Variants in TTC28 observed in about 807,000 individuals in gnomAD.
TTC28 encodes the protein tetratricopeptide repeat protein 28.
Under a neutral mutation model 198.0 loss-of-function variants are expected in TTC28, and 61 were observed. The ratio of observed to expected loss-of-function variants is 0.31; its 90% CI spans 0.25 to 0.38. TTC28 has a LOEUF of 0.38. Ranked by LOEUF, TTC28 falls within the 10% of genes least tolerant of loss-of-function variation. The pLI is 1.00. For missense variants in TTC28, 2,678 were observed against 3,164.0 expected (o/e 0.85, Z 3.69); for synonymous variants, 1,171 against 1,297.8 (o/e 0.90, Z 2.10).
chr22:28,090,933 G>A (rs1227669324), intron 12 of TTC28, among the ~76,000 whole-genome samples: 1 of 152,068 alleles, frequency 6.6e-6, no homozygotes, highest in African/African-American at 2.4e-5. Flanking sequence ...CAAAGCAACA[G>A]GAAAAACCTT....
At chr22:28,610,394 C>T (rs1185854752) in intron 2 of TTC28, among the ~76,000 whole-genome samples, 2 of 152,300 alleles carry the variant, frequency 1.3e-5, no homozygotes, top group East Asian at 3.9e-4. Flanking sequence ...GAGGAAGGAA[C>T]AGGCAGCAAT....
chr22:28,546,864 C>T (rs1466615429), intron 2 of TTC28, among the ~76,000 whole-genome samples: 1 of 151,940 alleles, frequency 6.6e-6, no homozygotes, highest in Non-Finnish European at 1.5e-5. Context: ...GCAAAAGAAG[C>T]CAAACACAAA....
chr22:28,567,506 A>ATATATATATATATATATATG (rs1223631976), intron 2 of TTC28, among the ~76,000 whole-genome samples: 1 of 133,886 alleles, frequency 7.5e-6, no homozygotes, highest in Non-Finnish European at 1.6e-5. Flanking sequence ...ATATATATAT[A>ATATATATATATATATATATG]TATGTTTTTA....
Position 27,982,203 on chromosome 22 carries a change from G to C in TTC28, c.*18C>G. ...CCCATCTGCAGGCTGCTCAGAGTCA[G>C]TGGGTATAAAAGATGCTTTAGCATT... is the stretch of plus-strand genomic sequence containing the variant. On this transcript the variant is annotated 3_prime_UTR_variant, in exon 23 of 23. Transcript: ENST00000397906. The surrounding 1 kb of genome is among the most constrained non-coding windows in gnomAD (Gnocchi z 5.2). The C allele has an allele frequency of 6.9e-7, 1 of 1,459,724 alleles. No homozygotes were observed. The highest frequency in any genetic ancestry group is 2.5e-5 in the East Asian group (1 of 40,220). The allele number at this position is 1,459,724 out of a possible 1,614,324, so 90.4% of individuals were successfully genotyped here. A position where few individuals can be genotyped will look rare whatever the true frequency, so the allele number is the denominator to read the frequency against.
chr22:28,504,394 T>C (rs2146375331), intron 2 of TTC28, among the ~76,000 whole-genome samples: 1 of 152,272 alleles, frequency 6.6e-6, no homozygotes, highest in African/African-American at 2.4e-5. Context: ...GCCATATATA[T>C]ACACATTCAT....
chr22:28,579,388 C>G (rs959114152), intron 2 of TTC28, among the ~76,000 whole-genome samples: 1 of 148,350 alleles, frequency 6.7e-6, no homozygotes, highest in African/African-American at 2.5e-5. Flanking sequence ...GTATACATAG[C>G]TATATACATA....
At chr22:28,363,983 T>C (rs1471099726) in intron 2 of TTC28, among the ~76,000 whole-genome samples, 4 of 152,168 alleles carry the variant, frequency 2.6e-5, no homozygotes. Flanking sequence ...CTGTGGACTT[T>C]TGAGTTAATA....
At chr22:28,027,802 G>A (rs1365158771) in intron 13 of TTC28, among the ~76,000 whole-genome samples, 1 of 152,268 alleles carries the variant, frequency 6.6e-6, no homozygotes, top group Admixed American at 6.5e-5. Flanking sequence ...CCCCACAGCA[G>A]GGCAGGGACA....
intron 12 of TTC28, among the ~76,000 whole-genome samples, chr22:28,083,259 T>A (rs1226284592): frequency 6.6e-6 from 1 of 152,108 alleles, no homozygotes; most frequent in Non-Finnish European, 1.5e-5. Context: ...CAGAGACCCC[T>A]GAGCTAGAGT....
At chr22:28,403,721 T>C (rs2046954636) in intron 2 of TTC28, among the ~76,000 whole-genome samples, 1 of 152,216 alleles carries the variant, frequency 6.6e-6, no homozygotes. Flanking sequence ...GCCCATTTTG[T>C]CTGCTTCACG....
intron 2 of TTC28, among the ~76,000 whole-genome samples, chr22:28,394,381 A>AATAAAATGTAAATAATTTTT (rs2046782502): frequency 6.6e-6 from 1 of 152,234 alleles, no homozygotes; most frequent in Non-Finnish European, 1.5e-5. Flanking sequence ...AACAACTAAA[A>AATAAAATGTAAATAATTTTT]ACATTTTATT....
At chr22:28,023,436 T>C (rs1334677743) in intron 13 of TTC28, among the ~76,000 whole-genome samples, 5 of 152,202 alleles carry the variant, frequency 3.3e-5, no homozygotes, top group East Asian at 1.9e-4. Flanking sequence ...CAGGCAGTCA[T>C]TGGGGTGGGC....
chr22:28,591,948 T>C (rs2050442092), intron 2 of TTC28, among the ~76,000 whole-genome samples: 1 of 151,844 alleles, frequency 6.6e-6, no homozygotes, highest in South Asian at 2.1e-4. Flanking sequence ...TAAAAGATGG[T>C]AGAGGGCGGA....
At chr22:28,184,935 G>T (rs1924053744) in intron 5 of TTC28, among the ~76,000 whole-genome samples, 1 of 152,136 alleles carries the variant, frequency 6.6e-6, no homozygotes, top group Admixed American at 6.6e-5. Context: ...GATGCCAAGG[G>T]TTGTCTTATT....
chr22:28,017,754 C>T (rs1938428781), intron 13 of TTC28, among the ~76,000 whole-genome samples: 1 of 152,160 alleles, frequency 6.6e-6, no homozygotes, highest in Non-Finnish European at 1.5e-5. Context: ...GTTCCTCTCC[C>T]CAGGCTACCA....
intron 2 of TTC28, among the ~76,000 whole-genome samples, chr22:28,572,549 G>C (rs1414840969): frequency 6.6e-6 from 1 of 152,120 alleles, no homozygotes; most frequent in African/African-American, 2.4e-5. Flanking sequence ...AGAACACTTA[G>C]AGGATCATTC....
intron 1 of TTC28, among the ~76,000 whole-genome samples, chr22:28,650,986 C>T (rs1004282754): frequency 5.9e-5 from 9 of 152,212 alleles, no homozygotes; most frequent in Non-Finnish European, 1.2e-4. Flanking sequence ...TTTACTGGAA[C>T]ACAGCCATAT....
chr22:28,181,225 T>C (rs1923665012), intron 5 of TTC28, among the ~76,000 whole-genome samples: 1 of 152,204 alleles, frequency 6.6e-6, no homozygotes, highest in Admixed American at 6.5e-5. Flanking sequence ...AGAGTTACTA[T>C]CACAGGTGAT....
intron 6 of TTC28, among the ~76,000 whole-genome samples, chr22:28,160,055 C>T (rs1010281684): frequency 6.6e-6 from 1 of 152,038 alleles, no homozygotes; most frequent in African/African-American, 2.4e-5. Flanking sequence ...TTACCAGAGG[C>T]TGGGAAGGGT....
Sources: gnomAD v4.1 joint callset for allele counts (sites outside exome capture counted in the v4.1 genomes callset) on GRCh38, gnomAD v4.1.1 for gene constraint, Gnocchi (gnomAD v3.1) non-coding constraint, MANE v1.5 for transcripts, NCBI Gene and HGNC (gene_info 2026-07-23, HGNC 2026-07-21) for gene names.